The following GVQW3 variants were observed in gnomAD, a reference collection of about 807,000 sequenced individuals.
GVQW3 encodes GVQW motif containing 3, also known as protein GVQW3.
In GVQW3, 7 loss-of-function variants were observed where a neutral mutation model predicts 12.5. The ratio of observed to expected loss-of-function variants is 0.56; its 90% CI spans 0.32 to 1.05. The LOEUF is 1.05. GVQW3 is among the 50% of genes least tolerant of loss of function. GVQW3 has a pLI of 0.04. For missense variants in GVQW3, 188 were observed against 190.8 expected, an observed-to-expected ratio of 0.99 and a Z score of 0.09; for synonymous variants, 71 against 67.2, an observed-to-expected ratio of 1.06 and a Z score of -0.28.
intron 1 of GVQW3, among the ~76,000 whole-genome samples, chr11:76,399,125 A>C (rs1405971075): frequency 6.6e-6 from 1 of 150,646 alleles, no homozygotes; most frequent in Non-Finnish European, 1.5e-5. Flanking sequence ...ATTTTATTTT[A>C]TTTCATTTTA....
At chr11:76,393,884 CTTAG>C (rs1052785432) in intron 1 of GVQW3, among the ~76,000 whole-genome samples, 9 of 147,630 alleles carry the variant, frequency 6.1e-5, no homozygotes, top group Admixed American at 1.3e-4. Context: ...CAGTTATACT[CTTAG>C]TTATTATTAT....
intron 1 of GVQW3, among the ~76,000 whole-genome samples, chr11:76,402,789 C>G (rs2134561830): frequency 6.6e-6 from 1 of 151,638 alleles, no homozygotes; most frequent in Middle Eastern, 3.4e-3. Context: ...TGCAATCACC[C>G]AGGCTCAATT....
In GVQW3 at chr11:76,404,055, T is replaced by C. The variant is rs1435588338; in HGVS notation, c.*297T>C. 2 of 566,124 alleles carry C rather than the reference T, an allele frequency of 3.5e-6. No homozygotes were observed. Among genetic ancestry groups the C allele is most frequent in the African/African-American group, 3.8e-5 (2 of 53,214 alleles). 35.1% of individuals were successfully genotyped at this position (566,124 alleles called of 1,614,324 possible). A position where few individuals can be genotyped will look rare whatever the true frequency, so the allele number is the denominator to read the frequency against. ...CACCCAGAAATAATGTTTTCCCATC[T>C]ATCTCAGTACCCCATGATCCAGTCA... On this transcript the variant is annotated 3_prime_UTR_variant, in exon 2 of 2. Coordinates refer to ENST00000529331, the MANE Select transcript of GVQW3 (RefSeq NM_001347885.2).
In GVQW3 at chr11:76,382,279, T is replaced by C. The variant is rs891511498; in HGVS notation, c.451T>C (p.Cys151Arg). ...AAAGGAAACTAGGAAAAATAGCTCA[T>C]GTTTGAGGAAAAAGGTAACAGGTTC... Reference protein sequence around the residue: ...LSKETRKNSSCLRKKRRNLTM... With the variant: ...LSKETRKNSSRLRKKRRNLTM... Residue 151 changes from cysteine to arginine, a missense_variant, in exon 1 of 2, where the codon TGT becomes CGT. Coordinates refer to ENST00000529331, the MANE Select transcript of GVQW3 (RefSeq NM_001347885.2). 2 of 1,523,474 alleles carry C rather than the reference T, an allele frequency of 1.3e-6. No individual in the cohort carries two copies. The highest frequency in any genetic ancestry group is 2.7e-5 in the African/African-American group (2 of 72,792). The allele number at this position is 1,523,474 out of a possible 1,614,324, so 94.4% of individuals were successfully genotyped here. A position where few individuals can be genotyped will look rare whatever the true frequency, so the allele number is the denominator to read the frequency against.
downstream of GVQW3, among the ~76,000 whole-genome samples, chr11:76,409,534 A>G (rs1947068033): frequency 6.6e-6 from 1 of 152,192 alleles, no homozygotes; most frequent in Non-Finnish European, 1.5e-5. Context: ...GATGTAGTTC[A>G]AGCATTGCCT....
At chr11:76,387,884 C>T (rs1384847500) in intron 1 of GVQW3, among the ~76,000 whole-genome samples, 1 of 152,154 alleles carries the variant, frequency 6.6e-6, no homozygotes, top group African/African-American at 2.4e-5. Flanking sequence ...GATCGTGCTA[C>T]TGCACTACAG....
chr11:76,410,842 T>C (rs1947074648), downstream of GVQW3: 2 of 152,220 alleles, frequency 1.3e-5, no homozygotes, highest in Non-Finnish European at 2.9e-5. Flanking sequence ...TCAATTCAGA[T>C]ACTTATTTGT....
downstream of GVQW3, chr11:76,412,486 A>G (rs576394880): frequency 4.6e-5 from 7 of 151,098 alleles, no homozygotes; most frequent in African/African-American, 1.7e-4. Flanking sequence ...AAAGGACAGA[A>G]TAAAATCAAG....
intron 1 of GVQW3, among the ~76,000 whole-genome samples, chr11:76,395,412 T>C (rs1487182081): frequency 6.6e-6 from 1 of 152,218 alleles, no homozygotes; most frequent in East Asian, 1.9e-4. Flanking sequence ...CTGTGTTACT[T>C]ATTTTGTTGC....
intron 1 of GVQW3, chr11:76,382,809 G>T: frequency 4.8e-6 from 1 of 206,316 alleles, no homozygotes; most frequent in Non-Finnish European, 9.8e-6. Context: ...AGGATCTCCT[G>T]GAATCTGTAT....
Position 76,404,065 on chromosome 11 carries a change from C to A in GVQW3, c.*307C>A, listed in dbSNP as rs1159810836. On this transcript the variant is annotated 3_prime_UTR_variant, in exon 2 of 2. Transcript: ENST00000529331. ...TAATGTTTTCCCATCTATCTCAGTA[C>A]CCCATGATCCAGTCAAGTGAACATA... The A allele has an allele frequency of 1.4e-5, 7 of 510,158 alleles. No homozygotes were observed. Among genetic ancestry groups the A allele is most frequent in the African/African-American group, 5.9e-5 (3 of 51,264 alleles). 31.6% of individuals were successfully genotyped at this position (510,158 alleles called of 1,614,324 possible).
intron 1 of GVQW3, among the ~76,000 whole-genome samples, chr11:76,384,575 G>C (rs760043277): frequency 6.6e-6 from 1 of 152,212 alleles, no homozygotes; most frequent in Admixed American, 6.5e-5. Flanking sequence ...CACCCACCTC[G>C]GCGTCCCAAA....
intron 1 of GVQW3, chr11:76,389,775 T>C (rs939905259): frequency 2.6e-5 from 4 of 152,226 alleles, no homozygotes; most frequent in Admixed American, 1.3e-4. Flanking sequence ...CCTGAGACTT[T>C]GTATGATTCT....
At position 76,381,924 on chromosome 11, in the gene GVQW3, T is replaced by A; in HGVS notation, c.96T>A (p.Ala32=). Residue 32 remains alanine, a synonymous_variant, in exon 1 of 2, where the codon GCT becomes GCA. Coordinates refer to ENST00000529331, the MANE Select transcript of GVQW3 (RefSeq NM_001347885.2). ...ASETHHLLKE[A]YGDEVMSRAR... Reference sequence around the variant, plus strand: ...AGACCCACCATCTTTTAAAAGAAGCTTATGGGGATGAAGTCATGTCAAGGG... The same window carrying A: ...AGACCCACCATCTTTTAAAAGAAGCATATGGGGATGAAGTCATGTCAAGGG... The A allele has an allele frequency of 1.3e-6, 2 of 1,536,418 alleles. No homozygotes were observed. The highest frequency in any genetic ancestry group is 2.7e-5 in the African/African-American group (2 of 73,168).
intron 1 of GVQW3, among the ~76,000 whole-genome samples, chr11:76,387,015 GACATAGTTAATATAGAA>G (rs1946841078): frequency 6.6e-6 from 1 of 152,152 alleles, no homozygotes; most frequent in African/African-American, 2.4e-5. Context: ...TGCAAAAGTA[GACATAGTTAATATAGAA>G]ACAGATGAGC....
intron 1 of GVQW3, among the ~76,000 whole-genome samples, chr11:76,397,857 G>A (rs1195896442): frequency 1.3e-5 from 2 of 152,270 alleles, no homozygotes; most frequent in East Asian, 1.9e-4. Context: ...AAAATGGGCC[G>A]GTTGCAGTGG....
chr11:76,396,346 C>T (rs1357560893), intron 1 of GVQW3, among the ~76,000 whole-genome samples: 1 of 152,010 alleles, frequency 6.6e-6, no homozygotes. Flanking sequence ...CAGGGTCTCA[C>T]TCCTGTTGCC....
downstream of GVQW3, chr11:76,411,646 G>A (rs1565250694): frequency 6.6e-6 from 1 of 152,198 alleles, no homozygotes; most frequent in Non-Finnish European, 1.5e-5. Flanking sequence ...TCAAGGGGAA[G>A]GGTTGCTTGT....
At chr11:76,398,652 G>T (rs1946961313) in intron 1 of GVQW3, among the ~76,000 whole-genome samples, 1 of 152,050 alleles carries the variant, frequency 6.6e-6, no homozygotes, top group Non-Finnish European at 1.5e-5. Context: ...TTATGGAGTT[G>T]GTCTTGCTAT....
Sources: gnomAD v4.1 joint callset for allele counts (sites outside exome capture counted in the v4.1 genomes callset) on GRCh38, gnomAD v4.1.1 for gene constraint, MANE v1.5 for transcripts, NCBI Gene and HGNC (gene_info 2026-07-23, HGNC 2026-07-21) for gene names.